Variants in CRKL observed in about 807,000 individuals in gnomAD.
CRKL encodes crk-like protein.
Under a neutral mutation model 23.0 loss-of-function variants are expected in CRKL, and 3 were observed. That is an observed-to-expected ratio of 0.13 (90% CI 0.06 to 0.34). The LOEUF (loss-of-function observed/expected upper bound fraction) is 0.34. Among genes scored for constraint, CRKL ranks in the 10% least tolerant of loss-of-function variants. The pLI, the probability that CRKL is intolerant of heterozygous loss-of-function variation, is 1.00. For synonymous variants in CRKL, 188 were observed against 160.7 expected, an observed-to-expected ratio of 1.17 and a Z score of -1.28; for missense variants, 256 against 394.5, an observed-to-expected ratio of 0.65 and a Z score of 2.97.
At chr22:20,939,831 C>T (rs1463093873) in intron 2 of CRKL, among the ~76,000 whole-genome samples, 3 of 150,182 alleles carry the variant, frequency 2.0e-5, no homozygotes, top group Non-Finnish European at 3.0e-5. Context: ...TCTTGTCGCC[C>T]AGGCTGGAGT....
Position 20,953,667 on chromosome 22 carries a change from G to A in CRKL, c.*3822G>A, listed in dbSNP as rs372806940. 1.0e-4 allele frequency: 20 copies of A among 198,188 alleles called. No homozygotes were observed. The South Asian group carries it at 3.3e-3, about 32-fold the overall frequency. The allele number at this position is 198,188 out of a possible 1,614,324, so 12.3% of individuals were successfully genotyped here. ...TTTTGTATTCCGTTTTACGTTACTG[G>A]TCCCAGCATCAAAACCCTTGTTTCC... On this transcript the variant is annotated 3_prime_UTR_variant, in exon 3 of 3. Transcript: ENST00000354336.
chr22:20,922,150 C>T (rs1921018143), intron 1 of CRKL, among the ~76,000 whole-genome samples: 1 of 151,212 alleles, frequency 6.6e-6, no homozygotes, highest in Non-Finnish European at 1.5e-5. Context: ...GTAGCTGGGA[C>T]TGCATGGGAC....
At position 20,923,275 on chromosome 22, in the gene CRKL, A is replaced by G. The variant is rs942638664; in HGVS notation, c.311+5030A>G. Among the ~76,000 whole-genome samples the G allele has an allele frequency of 7.2e-5, 11 of 151,960 alleles. No homozygotes were observed. The South Asian group carries it at 2.3e-3, about 32-fold the overall frequency. On this transcript the variant is annotated intron_variant, in intron 1 of 2. Coordinates refer to ENST00000354336, the MANE Select transcript of CRKL (RefSeq NM_005207.4). ...TCTGAGGAGCTTACTGGTTACTAAA[A>G]AAAAAATTTTTTTTTTTTTGAGACG...
chr22:20,941,716 C>T (rs1447133892), intron 2 of CRKL, among the ~76,000 whole-genome samples: 1 of 149,406 alleles, frequency 6.7e-6, no homozygotes, highest in Non-Finnish European at 1.5e-5. Context: ...GCCTCAGCCT[C>T]CCGAGTAGCT....
intron 1 of CRKL, among the ~76,000 whole-genome samples, chr22:20,924,113 G>C (rs1007155423): frequency 2.6e-5 from 4 of 152,202 alleles, no homozygotes; most frequent in Non-Finnish European, 5.9e-5. Flanking sequence ...GCTTGAGCAT[G>C]GGAGGTCGAG....
chr22:20,922,719 G>C (rs1372628348), intron 1 of CRKL, among the ~76,000 whole-genome samples: 6 of 152,124 alleles, frequency 3.9e-5, no homozygotes, highest in Non-Finnish European at 8.8e-5. Context: ...CTGTCCCCCA[G>C]GCTGTAGTGA....
chr22:20,949,014 T>C (rs2147917610), intron 2 of CRKL, among the ~76,000 whole-genome samples: 1 of 152,310 alleles, frequency 6.6e-6, no homozygotes, highest in South Asian at 2.1e-4. Context: ...TTAACCATTC[T>C]CAGAATCATG....
At chr22:20,931,348 A>G (rs1217202694) in intron 1 of CRKL, among the ~76,000 whole-genome samples, 1 of 152,210 alleles carries the variant, frequency 6.6e-6, no homozygotes, top group Non-Finnish European at 1.5e-5. Context: ...TGGAGGCTAC[A>G]GTGAGCTGTG....
chr22:20,937,790 C>T (rs915787523), intron 2 of CRKL, among the ~76,000 whole-genome samples: 1 of 152,000 alleles, frequency 6.6e-6, no homozygotes, highest in Admixed American at 6.6e-5. Flanking sequence ...TAAATGGGAC[C>T]TGAGAAATAG....
rs964731879 is a variant in CRKL, at chr22:20,917,779, G to A, written c.-156G>A. On this transcript the variant is annotated 5_prime_UTR_variant, in exon 1 of 3. Coordinates refer to ENST00000354336, the MANE Select transcript of CRKL (RefSeq NM_005207.4). The stretch of plus-strand genomic sequence containing the variant: ...GGCGTCGGAGGATGCTGCGGGCCCG[G>A]AGCCGAGAGGAAAGTGCTGGCCCAG... 12 of 716,502 alleles carry A rather than the reference G, an allele frequency of 1.7e-5. No homozygotes were observed. The highest frequency in any genetic ancestry group is 2.7e-5 in the Non-Finnish European group (12 of 446,834). The allele number at this position is 716,502 out of a possible 1,614,324, so 44.4% of individuals were successfully genotyped here.
chr22:20,943,309 G>A (rs564811219), intron 2 of CRKL, among the ~76,000 whole-genome samples: 1 of 151,904 alleles, frequency 6.6e-6, no homozygotes, highest in South Asian at 2.1e-4. Flanking sequence ...TCACGATCTC[G>A]ACTCACTGCA....
At position 20,952,306 on chromosome 22, in the gene CRKL, G is replaced by A. The variant is rs548125656; in HGVS notation, c.*2461G>A. Reference sequence around the variant, plus strand: ...AATACCCCGACTCACCTTGTGTGGCGCACTTCAGAATCAGATATACCTAGA... The same window carrying A: ...AATACCCCGACTCACCTTGTGTGGCACACTTCAGAATCAGATATACCTAGA... On this transcript the variant is annotated 3_prime_UTR_variant, in exon 3 of 3. Transcript: ENST00000354336. 15 of 229,428 alleles carry A rather than the reference G, an allele frequency of 6.5e-5. No homozygotes were observed. The highest frequency in any genetic ancestry group is 1.1e-4 in the African/African-American group (5 of 45,230). The allele number at this position is 229,428 out of a possible 1,614,324, so 14.2% of individuals were successfully genotyped here.
chr22:20,952,683 A>C lies in CRKL; in HGVS notation c.*2838A>C, dbSNP rs1363835363. Reference sequence around the variant, plus strand: ...TAACTGCTACTTGCTCTGCTCTACCATGTTTAAAGAAATATTTGGATGTTA... The same window carrying C: ...TAACTGCTACTTGCTCTGCTCTACCCTGTTTAAAGAAATATTTGGATGTTA... On this transcript the variant is annotated 3_prime_UTR_variant, in exon 3 of 3. Coordinates refer to ENST00000354336, the MANE Select transcript of CRKL (RefSeq NM_005207.4). 4.3e-6 allele frequency: 1 copy of C among 231,712 alleles called. No homozygotes were observed. The highest frequency in any genetic ancestry group is 8.5e-6 in the Non-Finnish European group (1 of 117,174). The allele number at this position is 231,712 out of a possible 1,614,324, so 14.4% of individuals were successfully genotyped here.
intron 1 of CRKL, among the ~76,000 whole-genome samples, chr22:20,925,186 C>CAA (rs11451684): frequency 0.016 from 1,613 of 100,400 alleles, 60 homozygotes; most frequent in African/African-American, 0.031. Flanking sequence ...GACTCCGTCT[C>CAA]AAAAAAAAAA....
intron 1 of CRKL, among the ~76,000 whole-genome samples, chr22:20,928,839 G>T (rs561522009): frequency 2.2e-5 from 3 of 138,788 alleles, no homozygotes; most frequent in African/African-American, 7.9e-5. Flanking sequence ...AAAAAAAAAG[G>T]AATATTACCA....
chr22:20,921,842 G>T, intron 1 of CRKL, among the ~76,000 whole-genome samples: 1 of 151,554 alleles, frequency 6.6e-6, no homozygotes, highest in East Asian at 1.9e-4. Context: ...CCGAGTAGCT[G>T]GGACTACAGG....
Position 20,950,759 on chromosome 22 carries a change from ATGATAGTGCAAGGAATGAC to A in CRKL, c.*916_*934del, listed in dbSNP as rs1299355154. 4.0e-5 allele frequency: 9 copies of A among 224,382 alleles called. No homozygotes were observed. Among genetic ancestry groups the A allele is most frequent in the African/African-American group, 2.0e-4 (9 of 44,786 alleles). The allele number at this position is 224,382 out of a possible 1,614,324, so 13.9% of individuals were successfully genotyped here. A position where few individuals can be genotyped will look rare whatever the true frequency, so the allele number is the denominator to read the frequency against. On this transcript the variant is annotated 3_prime_UTR_variant, in exon 3 of 3. Coordinates refer to ENST00000354336, the MANE Select transcript of CRKL (RefSeq NM_005207.4). ...AGGTTAAGTAGCAGGTTGGGTTTTT[ATGATAGTGCAAGGAATGAC>A]TCATGCCTCTGAGCTTCTAAACTGA... is the stretch of plus-strand genomic sequence containing the variant.
chr22:20,941,536 T>TTA (rs1270476673), intron 2 of CRKL, among the ~76,000 whole-genome samples: 2 of 80,720 alleles, frequency 2.5e-5, no homozygotes, highest in African/African-American at 4.1e-5. Flanking sequence ...TATATATATT[T>TTA]TATGTGTGTG....
chr22:20,948,695 TTGCTGCGTTG>T (rs141919897), intron 2 of CRKL, among the ~76,000 whole-genome samples: 1,618 of 152,284 alleles, frequency 0.011, 18 homozygotes, highest in Middle Eastern at 0.031. Context: ...AGATGTAGTC[TTGCTGCGTTG>T]CGCCGGCTGG....
Sources: gnomAD v4.1 joint callset for allele counts (sites outside exome capture counted in the v4.1 genomes callset) on GRCh38, gnomAD v4.1.1 for gene constraint, MANE v1.5 for transcripts, NCBI Gene and HGNC (gene_info 2026-07-23, HGNC 2026-07-21) for gene names.